Variants in TEAD1 observed in about 807,000 individuals in gnomAD.
TEAD1 encodes TEA domain transcription factor 1, also known as transcriptional enhancer factor TEF-1.
TEAD1 carries 9 observed loss-of-function variants against 54.9 expected under a neutral mutation model. The ratio of observed to expected loss-of-function variants is 0.16; its 90% CI spans 0.10 to 0.29. TEAD1 has a LOEUF of 0.29. Ranked by LOEUF, TEAD1 falls within the 10% of genes least tolerant of loss-of-function variation. The probability of loss-of-function intolerance (pLI) is 1.00; values close to 1 mark genes in which losing one functional copy is unlikely to be tolerated. For synonymous variants in TEAD1, 200 were observed against 187.8 expected (o/e 1.07, Z -0.53); for missense variants, 387 against 535.9 (o/e 0.72, Z 2.74).
intron 2 of TEAD1, among the ~76,000 whole-genome samples, chr11:12,695,775 T>C (rs1265932073): frequency 6.6e-6 from 1 of 152,224 alleles, no homozygotes; most frequent in Admixed American, 6.5e-5. Flanking sequence ...TTCCTATAGA[T>C]GGCAGATTAT....
intron 3 of TEAD1, among the ~76,000 whole-genome samples, chr11:12,838,077 G>A (rs1039610862): frequency 3.9e-5 from 6 of 152,238 alleles, no homozygotes; most frequent in East Asian, 3.9e-4. Context: ...GATTACAGGT[G>A]TGAGCCACCG....
chr11:12,790,435 G>T (rs1256591767), intron 3 of TEAD1, among the ~76,000 whole-genome samples: 5 of 152,190 alleles, frequency 3.3e-5, no homozygotes, highest in East Asian at 1.9e-4. Flanking sequence ...GACACAGTAG[G>T]TACTCAGTAA....
At chr11:12,812,382 T>G (rs1373591131) in intron 3 of TEAD1, among the ~76,000 whole-genome samples, 1 of 152,052 alleles carries the variant, frequency 6.6e-6, no homozygotes, top group Non-Finnish European at 1.5e-5. Context: ...CCCAAAAAGG[T>G]GATGGTTAAA....
intron 9 of TEAD1, among the ~76,000 whole-genome samples, chr11:12,894,402 CATCTAGAATGT>C (rs1194455591): frequency 2.6e-5 from 4 of 152,024 alleles, no homozygotes; most frequent in Non-Finnish European, 5.9e-5. Context: ...AGATTCAATA[CATCTAGAATGT>C]ATTGTCAGTC....
chr11:12,697,927 G>T (rs1943620289), intron 2 of TEAD1, among the ~76,000 whole-genome samples: 1 of 151,958 alleles, frequency 6.6e-6, no homozygotes, highest in Non-Finnish European at 1.5e-5. Context: ...GGAGACTGAG[G>T]TGGGAGAATC....
At chr11:12,921,292 T>G (rs1047869329) in intron 10 of TEAD1, 6 of 152,166 alleles carry the variant, frequency 3.9e-5, no homozygotes, top group African/African-American at 1.4e-4. Context: ...ATCCCAGCAC[T>G]TTGGGAGGCC....
intron 3 of TEAD1, among the ~76,000 whole-genome samples, chr11:12,844,380 A>G (rs937865900): frequency 4.6e-5 from 7 of 152,184 alleles, no homozygotes; most frequent in African/African-American, 1.7e-4. Context: ...TTCCTGTTTG[A>G]AAAGGAAAGC....
Position 12,940,625 on chromosome 11 carries a change from G to A in TEAD1, c.*3403G>A, listed in dbSNP as rs1397467619. The A allele has an allele frequency of 1.3e-5, 2 of 152,110 alleles. No homozygotes were observed. Among genetic ancestry groups the A allele is most frequent in the African/African-American group, 4.8e-5 (2 of 41,406 alleles). 9.4% of individuals were successfully genotyped at this position (152,110 alleles called of 1,614,324 possible). The stretch of plus-strand genomic sequence containing the variant: ...CTTTCACTCAGCACTGGGGAAGTTG[G>A]GAACAGCTGGTCACCATCATCCCTT... On this transcript the variant is annotated 3_prime_UTR_variant, in exon 13 of 13. Coordinates refer to ENST00000527636, the MANE Select transcript of TEAD1 (RefSeq NM_021961.6).
At chr11:12,835,598 G>A (rs1946871426) in intron 3 of TEAD1, among the ~76,000 whole-genome samples, 1 of 151,998 alleles carries the variant, frequency 6.6e-6, no homozygotes, top group South Asian at 2.1e-4. Context: ...GGGATTATAG[G>A]CGTGAGCCAC....
At position 12,858,054 on chromosome 11, in the gene TEAD1, G is replaced by A. The variant is rs117611966; in HGVS notation, c.203-4196G>A. On this transcript the variant is annotated intron_variant, in intron 3 of 12. Transcript: ENST00000527636. ...TGAGAGGTTGAGGCTGCAGTGAGCC[G>A]AGATCGTGCCACTGCACTCCAGCCA... Among the ~76,000 whole-genome samples, 276 of 152,254 alleles carry A rather than the reference G, an allele frequency of 1.8e-3. No individual in the cohort carries two copies. In the East Asian group the frequency reaches 0.03, roughly 17 times the overall value.
At position 12,685,582 on chromosome 11, in the gene TEAD1, G is replaced by A. The variant is rs188789080; in HGVS notation, c.-55+10021G>A. ...TAATAAGAAGAGTTTCTACCAGTTG[G>A]TTTTAGAGAGGAGCCAGGAAAAAAC... is the stretch of plus-strand genomic sequence containing the variant. On this transcript the variant is annotated intron_variant, in intron 2 of 12. Coordinates refer to ENST00000527636, the MANE Select transcript of TEAD1 (RefSeq NM_021961.6). 1.6e-4 allele frequency among the ~76,000 whole-genome samples: 24 copies of A among 152,242 alleles called. No individual in the cohort carries two copies. The East Asian group carries it at 4.2e-3, about 27-fold the overall frequency.
At chr11:12,675,242 C>T (rs182510746) in intron 1 of TEAD1, among the ~76,000 whole-genome samples, 167 bp from the exon 2 acceptor site, 4,347 of 151,962 alleles carry the variant, frequency 0.029, 213 homozygotes, top group African/African-American at 0.099. Context: ...GAGCCGCCGC[C>T]TCGGAGCCCG....
intron 2 of TEAD1, among the ~76,000 whole-genome samples, chr11:12,713,455 A>G (rs990714369): frequency 4.6e-5 from 7 of 152,354 alleles, no homozygotes; most frequent in South Asian, 2.1e-4. Flanking sequence ...ATCTATTCAA[A>G]ACATTACTAA....
chr11:12,865,197 A>G (rs1947592886), intron 5 of TEAD1: 3 of 440,092 alleles, frequency 6.8e-6, no homozygotes, highest in Non-Finnish European at 1.2e-5. Flanking sequence ...GCACAGAAAC[A>G]TGATTTTTTT....
intron 3 of TEAD1, among the ~76,000 whole-genome samples, chr11:12,770,615 G>T (rs1945294531): frequency 6.6e-6 from 1 of 152,142 alleles, no homozygotes. Flanking sequence ...CTGTAATTAT[G>T]CCCATTTTGC....
intron 3 of TEAD1, among the ~76,000 whole-genome samples, chr11:12,782,146 T>C (rs1945568983): frequency 6.6e-6 from 1 of 151,830 alleles, no homozygotes; most frequent in Admixed American, 6.6e-5. Context: ...CAAAACAAAC[T>C]TGTACATGGA....
chr11:12,883,785 A>G (rs4757960), intron 9 of TEAD1, among the ~76,000 whole-genome samples: 96,451 of 151,314 alleles, frequency 0.64, 31,492 homozygotes, highest in East Asian at 0.98. Flanking sequence ...AGGCCGAGGC[A>G]GGTGGATCAC....
chr11:12,712,039 G>A (rs1187279376), intron 2 of TEAD1, among the ~76,000 whole-genome samples: 3 of 152,150 alleles, frequency 2.0e-5, no homozygotes, highest in African/African-American at 7.2e-5. Context: ...GGCACTCAGG[G>A]AGTGTCCATT....
intron 3 of TEAD1, among the ~76,000 whole-genome samples, chr11:12,839,974 G>A (rs946835091): frequency 3.3e-5 from 5 of 152,080 alleles, no homozygotes; most frequent in South Asian, 4.2e-4. Context: ...CGGGCCTGGC[G>A]CGGTGGTTCA....
Sources: allele counts gnomAD v4.1 joint callset (sites outside exome capture counted in the v4.1 genomes callset), GRCh38; gene constraint gnomAD v4.1.1; transcripts MANE v1.5; gene names NCBI Gene and HGNC (gene_info 2026-07-23, HGNC 2026-07-21).